Variants in UTY observed in about 807,000 individuals in gnomAD.
UTY encodes the protein histone demethylase UTY.
UTY carries 12 observed loss-of-function variants against 32.5 expected under a neutral mutation model. That is an observed-to-expected ratio of 0.37 (90% CI 0.24 to 0.60). The LOEUF is 0.60. Among genes scored for constraint, UTY ranks in the 20% least tolerant of loss-of-function variants. The pLI, the probability that UTY is intolerant of heterozygous loss-of-function variation, is 0.69. For missense variants in UTY, 303 were observed against 299.2 expected (o/e 1.01, Z -0.09); for synonymous variants, 131 against 103.4 (o/e 1.27, Z -1.62).
rs1227863733 is a variant in UTY, at chrY:13,251,174, T to C, written c.4151A>G (p.Asn1384Ser). ...YCSICEVEVF[N>S]LLFVTNESNT... ...GCTTTCATTAGTGACAAAAAGCAGATTAAAAACCTCCACCTATATTAAATA... is the reference window on the plus strand; with the variant it reads ...GCTTTCATTAGTGACAAAAAGCAGACTAAAAACCTCCACCTATATTAAATA... Residue 1384 changes from asparagine (N) to serine (S), a missense_variant, in exon 29 of 30, where the codon AAT becomes AGT. Transcript: ENST00000545955. 2.6e-6 allele frequency: 1 copy of C among 381,308 alleles called. No homozygotes were observed. Among genetic ancestry groups the C allele is most frequent in the Admixed American group, 8.1e-5 (1 of 12,386 alleles).
At chrY:13,355,825 T>G in intron 16 of UTY, 98 bp downstream of exon 16, 1 of 264,484 alleles carries the variant, frequency 3.8e-6, no homozygotes, top group Non-Finnish European at 5.5e-6. Flanking sequence ...ACACAGAAAC[T>G]ATAAATTAGC....
chrY:13,442,038 A>T (rs2075243523), intron 4 of UTY, among the ~76,000 whole-genome samples: 17 of 33,917 alleles, frequency 5.0e-4, no homozygotes. Context: ...TCCCATCTAC[A>T]TGATTAATCA....
chrY:13,241,346 A>T (rs1464441250), intron 28 of UTY, among the ~76,000 whole-genome samples: 3 of 32,997 alleles, frequency 9.1e-5, no homozygotes, highest in African/African-American at 3.6e-4. Flanking sequence ...AACACACCAA[A>T]ATATATATAT....
rs575527493 is a variant in UTY, at chrY:13,386,894, G to A, written c.645+6965C>T. On this transcript the variant is annotated intron_variant, in intron 8 of 29. Coordinates refer to ENST00000545955, the MANE Select transcript of UTY (RefSeq NM_001258249.2). ...TGTGCCTGCAATCCCAGCTGTTCTGGAGGGTGAGGCAGGAGAACTGCTTGA... is the reference window on the plus strand; with the variant it reads ...TGTGCCTGCAATCCCAGCTGTTCTGAAGGGTGAGGCAGGAGAACTGCTTGA... Among the ~76,000 whole-genome samples the A allele has an allele frequency of 2.7e-4, 9 of 33,348 alleles. No individual in the cohort carries two copies. The East Asian group carries it at 6.3e-3, about 23-fold the overall frequency. The allele number at this position is 33,348 out of a possible 37,273, so 89.5% of individuals were successfully genotyped here.
chrY:13,344,653 C>A (rs2061765605), intron 17 of UTY, among the ~76,000 whole-genome samples: 1 of 33,809 alleles, frequency 3.0e-5, no homozygotes, highest in Admixed American at 2.6e-4. Flanking sequence ...CAGACAATGG[C>A]CCAGCATTTG....
At chrY:13,289,393 T>C (rs1603312260) in intron 27 of UTY, among the ~76,000 whole-genome samples, 1 of 34,106 alleles carries the variant, frequency 2.9e-5, no homozygotes, top group African/African-American at 1.2e-4. Context: ...AACCCCGTAG[T>C]TAAAAATCAG....
At chrY:13,320,437 T>A (rs2059753383) in intron 21 of UTY, among the ~76,000 whole-genome samples, 1 of 32,621 alleles carries the variant, frequency 3.1e-5, no homozygotes, top group African/African-American at 1.2e-4. Flanking sequence ...AAGTTTCTGA[T>A]AACTTGGAGA....
chrY:13,320,121 A>G, intron 21 of UTY, among the ~76,000 whole-genome samples: 2 of 33,454 alleles, frequency 6.0e-5, no homozygotes, highest in African/African-American at 2.3e-4. Context: ...AGAATTCTAT[A>G]GGAAGCATTG....
chrY:13,339,023 C>T, intron 17 of UTY, among the ~76,000 whole-genome samples: 1 of 34,109 alleles, frequency 2.9e-5, no homozygotes, highest in African/African-American at 1.1e-4. Context: ...TGATTAACAG[C>T]GTTAGCTTCT....
intron 18 of UTY, among the ~76,000 whole-genome samples, chrY:13,327,337 T>C: frequency 5.9e-5 from 2 of 33,830 alleles, no homozygotes; most frequent in African/African-American, 2.3e-4. Context: ...TTTATTTCAA[T>C]ATATAGAATA....
chrY:13,335,888 C>G lies in UTY; in HGVS notation c.2509G>C (p.Gly837Arg). ...TTCACTTTGTCACAGGTTCCAGTACCCACATTGCCATTGGCTTTTCCAATC... is the reference window on the plus strand; with the variant it reads ...TTCACTTTGTCACAGGTTCCAGTACGCACATTGCCATTGGCTTTTCCAATC... ...LLIGKANGNV[G>R]TGTCDKVNNI... Residue 837 changes from glycine to arginine, a missense_variant, in exon 18 of 30, where the codon GGT (glycine) becomes CGT (arginine). Gly to Arg is a moderately radical substitution (Grantham distance 125). Coordinates refer to ENST00000545955, the MANE Select transcript of UTY (RefSeq NM_001258249.2). The G allele has an allele frequency of 1.0e-5, 4 of 398,897 alleles. No homozygotes were observed. The highest frequency in any genetic ancestry group is 1.4e-5 in the Non-Finnish European group (4 of 283,576).
chrY:13,431,776 A>G (rs2074045184), intron 4 of UTY, among the ~76,000 whole-genome samples: 2 of 33,566 alleles, frequency 6.0e-5, no homozygotes, highest in Non-Finnish European at 1.5e-4. Context: ...ATAGTGCAGA[A>G]AAGTCATAGC....
At chrY:13,347,653 C>T (rs377540965) in intron 17 of UTY, among the ~76,000 whole-genome samples, 724 of 32,090 alleles carry the variant, frequency 0.023, no homozygotes, top group Middle Eastern at 0.1. Flanking sequence ...ACCCGGGAGG[C>T]GGAGTTCGCA....
chrY:13,268,805 T>G, intron 27 of UTY, among the ~76,000 whole-genome samples: 1 of 33,287 alleles, frequency 3.0e-5, no homozygotes, highest in Non-Finnish European at 7.4e-5. Flanking sequence ...TTGCTGGAGT[T>G]TGCTGGAGGT....
At chrY:13,348,439 AAAT>A (rs2062103069) in intron 17 of UTY, among the ~76,000 whole-genome samples, 1 of 34,081 alleles carries the variant, frequency 2.9e-5, no homozygotes, top group Non-Finnish European at 7.3e-5. Context: ...ACAACAATAC[AAAT>A]AATACTTATT....
chrY:13,362,910 CT>C (rs757026126), intron 10 of UTY, among the ~76,000 whole-genome samples: 7 of 28,341 alleles, frequency 2.5e-4, no homozygotes, highest in Non-Finnish European at 3.5e-4. Flanking sequence ...ATTTTACTTC[CT>C]TTTTTTTTTT....
intron 4 of UTY, among the ~76,000 whole-genome samples, chrY:13,443,793 G>A (rs2075425631): frequency 3.0e-5 from 1 of 33,673 alleles, no homozygotes; most frequent in Admixed American, 2.7e-4. Flanking sequence ...TACAAATTAC[G>A]AATCTAATGA....
intron 17 of UTY, among the ~76,000 whole-genome samples, chrY:13,345,910 C>G: frequency 3.0e-5 from 1 of 32,883 alleles, no homozygotes; most frequent in East Asian, 7.9e-4. Flanking sequence ...AACCTGTAAA[C>G]AAAAAAGAAG....
intron 21 of UTY, among the ~76,000 whole-genome samples, chrY:13,318,127 T>C: frequency 1.0e-4 from 3 of 30,011 alleles, no homozygotes; most frequent in Non-Finnish European, 1.6e-4. Flanking sequence ...GCCATTGCAC[T>C]CCAGCCTGGA....
Sources: allele counts gnomAD v4.1 joint callset (sites outside exome capture counted in the v4.1 genomes callset), GRCh38; gene constraint gnomAD v4.1.1; transcripts MANE v1.5; gene names NCBI Gene and HGNC (gene_info 2026-07-23, HGNC 2026-07-21).